The following SCFD2 variants were observed in gnomAD, a reference collection of about 807,000 sequenced individuals.
SCFD2 encodes sec1 family domain-containing protein 2.
SCFD2 carries 54 observed loss-of-function variants against 58.9 expected under a neutral mutation model. The ratio of observed to expected loss-of-function variants is 0.92; its 90% CI spans 0.74 to 1.15. The LOEUF (loss-of-function observed/expected upper bound fraction) is 1.15. SCFD2 is among the 50% of genes most tolerant of loss of function. The pLI is 0.00. For synonymous variants in SCFD2, 321 were observed against 335.9 expected (o/e 0.96, Z 0.49); for missense variants, 805 against 836.6 (o/e 0.96, Z 0.47).
At chr4:53,341,591 C>G (rs977172924) in intron 2 of SCFD2, among the ~76,000 whole-genome samples, 2 of 152,126 alleles carry the variant, frequency 1.3e-5, no homozygotes, top group African/African-American at 2.4e-5. Context: ...CATTCAAATT[C>G]AGGAAATACA....
At chr4:53,222,750 C>G (rs1311678528) in intron 4 of SCFD2, among the ~76,000 whole-genome samples, 1 of 152,008 alleles carries the variant, frequency 6.6e-6, no homozygotes, top group Non-Finnish European at 1.5e-5. Context: ...GATATCACTG[C>G]AAATAATATG....
chr4:53,236,823 TA>T (rs1326329771), intron 4 of SCFD2, among the ~76,000 whole-genome samples: 18 of 135,974 alleles, frequency 1.3e-4, no homozygotes, highest in African/African-American at 3.9e-4. Context: ...TTTATTTATT[TA>T]TTTATTTATT....
chr4:53,131,828 A>G (rs1725794093), intron 5 of SCFD2, among the ~76,000 whole-genome samples: 1 of 152,204 alleles, frequency 6.6e-6, no homozygotes, highest in African/African-American at 2.4e-5. Flanking sequence ...CATGCATTCC[A>G]TCTCTTCTCT....
intron 5 of SCFD2, among the ~76,000 whole-genome samples, chr4:52,951,967 T>C (rs369025676): frequency 2.7e-4 from 41 of 152,300 alleles, no homozygotes; most frequent in African/African-American, 8.9e-4. Flanking sequence ...ATTTCAACAC[T>C]GTGCAGAGGA....
intron 4 of SCFD2, among the ~76,000 whole-genome samples, chr4:53,184,030 T>C (rs79491515): frequency 0.018 from 2,800 of 152,242 alleles, 92 homozygotes; most frequent in African/African-American, 0.064. Context: ...ACTACAAAAT[T>C]AGCTAGATAA....
intron 4 of SCFD2, among the ~76,000 whole-genome samples, chr4:53,217,731 A>G (rs1300921789): frequency 6.6e-6 from 1 of 152,122 alleles, no homozygotes; most frequent in Admixed American, 6.5e-5. Context: ...CAGTTTCTTC[A>G]TGGTATCAAT....
At chr4:53,142,989 A>C (rs1187422346) in intron 5 of SCFD2, among the ~76,000 whole-genome samples, 1 of 152,252 alleles carries the variant, frequency 6.6e-6, no homozygotes, top group Non-Finnish European at 1.5e-5. Flanking sequence ...AAACTTAAAA[A>C]TATGCTAAAA....
chr4:53,040,242 T>G (rs192898698), intron 5 of SCFD2, among the ~76,000 whole-genome samples: 1 of 152,288 alleles, frequency 6.6e-6, no homozygotes, highest in East Asian at 1.9e-4. Flanking sequence ...AATATATCTT[T>G]ATCTGAGACC....
intron 5 of SCFD2, among the ~76,000 whole-genome samples, chr4:53,008,643 G>A (rs1275857723): frequency 6.6e-6 from 1 of 152,092 alleles, no homozygotes; most frequent in Non-Finnish European, 1.5e-5. Context: ...GAATGGAGAG[G>A]TGCATGTATA....
At chr4:53,173,520 T>C (rs1727240280) in intron 4 of SCFD2, among the ~76,000 whole-genome samples, 1 of 152,198 alleles carries the variant, frequency 6.6e-6, no homozygotes, top group Non-Finnish European at 1.5e-5. Flanking sequence ...TGGGTCTTGT[T>C]TCTTCATTCA....
intron 2 of SCFD2, among the ~76,000 whole-genome samples, chr4:53,345,812 C>T (rs1426902272): frequency 3.3e-5 from 5 of 152,078 alleles, no homozygotes; most frequent in Non-Finnish European, 7.4e-5. Flanking sequence ...ATGGATAAAG[C>T]TGGAAACCAT....
At chr4:53,221,032 C>T (rs1419235436) in intron 4 of SCFD2, among the ~76,000 whole-genome samples, 1 of 152,124 alleles carries the variant, frequency 6.6e-6, no homozygotes, top group Non-Finnish European at 1.5e-5. Context: ...AGGTAATAAG[C>T]AGCAGAGTAG....
At chr4:53,191,099 G>A (rs1440522421) in intron 4 of SCFD2, among the ~76,000 whole-genome samples, 4 of 152,098 alleles carry the variant, frequency 2.6e-5, no homozygotes, top group Non-Finnish European at 4.4e-5. Context: ...TGTAATCCCA[G>A]CACTTTGGGA....
intron 5 of SCFD2, among the ~76,000 whole-genome samples, chr4:52,997,593 A>C (rs1437052880): frequency 6.6e-6 from 1 of 152,136 alleles, no homozygotes; most frequent in Non-Finnish European, 1.5e-5. Flanking sequence ...TTTTCATTTT[A>C]TTGCTGGCCT....
At chr4:52,958,547 T>C (rs1478675760) in intron 5 of SCFD2, among the ~76,000 whole-genome samples, 1 of 152,118 alleles carries the variant, frequency 6.6e-6, no homozygotes, top group African/African-American at 2.4e-5. Context: ...CCTCAACAAG[T>C]GACGTTCATC....
intron 6 of SCFD2, among the ~76,000 whole-genome samples, chr4:52,909,970 C>A (rs763744792): frequency 3.3e-5 from 5 of 152,178 alleles, no homozygotes; most frequent in African/African-American, 4.8e-5. Flanking sequence ...GACATTGACT[C>A]GCTTAAACTT....
chr4:53,150,891 G>C (rs1043824395), intron 4 of SCFD2, among the ~76,000 whole-genome samples: 9 of 152,156 alleles, frequency 5.9e-5, no homozygotes, highest in Admixed American at 3.9e-4. Flanking sequence ...ATTTTCTGAG[G>C]GCTAATTTGG....
chr4:53,093,894 C>T (rs1467542282), intron 5 of SCFD2, among the ~76,000 whole-genome samples: 1 of 152,040 alleles, frequency 6.6e-6, no homozygotes, highest in East Asian at 1.9e-4. Flanking sequence ...GGAGGGAAAA[C>T]ATTTCACTGT....
At chr4:53,116,767 C>A (rs1379604505) in intron 5 of SCFD2, among the ~76,000 whole-genome samples, 1 of 152,232 alleles carries the variant, frequency 6.6e-6, no homozygotes, top group East Asian at 1.9e-4. Context: ...ATGAAAAGAA[C>A]CCTGAGTCAC....
Sources: gnomAD v4.1 joint callset for allele counts (sites outside exome capture counted in the v4.1 genomes callset) on GRCh38, gnomAD v4.1.1 for gene constraint, MANE v1.5 for transcripts, NCBI Gene and HGNC (gene_info 2026-07-23, HGNC 2026-07-21) for gene names.